The following ITGB1 variants were observed in gnomAD, a reference collection of about 807,000 sequenced individuals.
ITGB1 encodes integrin subunit beta 1.
Under a neutral mutation model 86.5 loss-of-function variants are expected in ITGB1, and 24 were observed. The ratio of observed to expected loss-of-function variants is 0.28; its 90% CI spans 0.20 to 0.39. The LOEUF is 0.39. Among genes scored for constraint, ITGB1 ranks in the 10% least tolerant of loss-of-function variants. The pLI, the probability that ITGB1 is intolerant of heterozygous loss-of-function variation, is 1.00. For missense variants in ITGB1, 556 were observed against 946.9 expected (o/e 0.59, Z 5.42); for synonymous variants, 323 against 316.8 (o/e 1.02, Z -0.21).
At chr10:32,954,622 T>C (rs1044649266) in intron 1 of ITGB1, among the ~76,000 whole-genome samples, 10 of 152,206 alleles carry the variant, frequency 6.6e-5, no homozygotes, top group African/African-American at 2.4e-4. Context: ...AGACCTAAAA[T>C]TTTCTCCCTA....
chr10:32,932,647 G>C (rs201728358), intron 2 of ITGB1, 47 bp from the exon 3 acceptor site: 1 of 1,072,722 alleles, frequency 9.3e-7, no homozygotes, highest in Non-Finnish European at 1.4e-6. Context: ...AAGTGTCAGA[G>C]AGAAAATAAT....
In ITGB1 at chr10:32,900,416, T is replaced by C. The variant is rs1458778449; in HGVS notation, c.*1154A>G. On this transcript the variant is annotated 3_prime_UTR_variant, in exon 16 of 16. Coordinates refer to ENST00000302278, the MANE Select transcript of ITGB1 (RefSeq NM_002211.4). ...ATCCGATTTAAGTATTTTAGGCATA[T>C]TTAATAAATAACTTCAGTAAATAGC... 1 of 152,476 alleles carries C rather than the reference T, an allele frequency of 6.6e-6. No individual in the cohort carries two copies. The highest frequency in any genetic ancestry group is 1.5e-5 in the Non-Finnish European group (1 of 67,974). The allele number at this position is 152,476 out of a possible 1,614,324, so 9.4% of individuals were successfully genotyped here.
At position 32,929,816 on chromosome 10, in the gene ITGB1, C is replaced by G. The variant is rs1454839612; in HGVS notation, c.376+6G>C. 1.9e-6 allele frequency: 3 copies of G among 1,543,234 alleles called. No homozygotes were observed. Among genetic ancestry groups the G allele is most frequent in the Non-Finnish European group, 2.7e-6 (3 of 1,115,514 alleles). On this transcript the variant is annotated splice_donor_region_variant and intron_variant, in intron 4 of 15. Coordinates refer to ENST00000302278, the MANE Select transcript of ITGB1 (RefSeq NM_002211.4). ...CGCAGGTATTCACAGAGTTGGGCTT[C>G]CATACCTGATCTTAATCGCAAAACC...
chr10:32,911,245 C>T (rs2094912294), intron 13 of ITGB1, among the ~76,000 whole-genome samples: 1 of 152,200 alleles, frequency 6.6e-6, no homozygotes, highest in Non-Finnish European at 1.5e-5. Flanking sequence ...TAGTACAACT[C>T]TCACATGACA....
intron 15 of ITGB1, among the ~76,000 whole-genome samples, chr10:32,903,968 C>A (rs2094889473): frequency 6.9e-6 from 1 of 144,466 alleles, no homozygotes; most frequent in East Asian, 2.0e-4. Flanking sequence ...TTTGCTAAAT[C>A]TAGTATTTAA....
Position 32,936,875 on chromosome 10 carries a change from C to T in ITGB1, c.1-1317G>A, listed in dbSNP as rs910562372. Among the ~76,000 whole-genome samples, 4 of 152,062 alleles carry T rather than the reference C, an allele frequency of 2.6e-5. No homozygotes were observed. The South Asian group carries it at 8.3e-4, about 32-fold the overall frequency. ...TATACAAAAAAAGTTTAGGTTTAAT[C>T]GTTATTGGAAAATGTAAATTAAAGC... On this transcript the variant is annotated intron_variant, in intron 1 of 15. Transcript: ENST00000302278.
At chr10:32,939,804 G>T (rs1356608142) in intron 1 of ITGB1, among the ~76,000 whole-genome samples, 1 of 152,084 alleles carries the variant, frequency 6.6e-6, no homozygotes, top group Non-Finnish European at 1.5e-5. Context: ...AACACACACT[G>T]AACAGGACAT....
At chr10:32,917,432 C>T (rs1565822338) in intron 11 of ITGB1, among the ~76,000 whole-genome samples, 1 of 152,186 alleles carries the variant, frequency 6.6e-6, no homozygotes, top group Non-Finnish European at 1.5e-5. Context: ...ACAATTTTTA[C>T]AATCTACCCA....
chr10:32,930,103 A>G, intron 3 of ITGB1, 59 bp from the exon 4 acceptor site: 1 of 775,304 alleles, frequency 1.3e-6, no homozygotes, highest in Non-Finnish European at 2.2e-6. Flanking sequence ...ACCTTTTTAC[A>G]TAATAATTGC....
chr10:32,939,512 C>T (rs1415153311), intron 1 of ITGB1, among the ~76,000 whole-genome samples: 2 of 152,224 alleles, frequency 1.3e-5, no homozygotes, highest in East Asian at 1.9e-4. Context: ...AGCCTATTGC[C>T]CCTAGGCTAC....
At position 32,920,160 on chromosome 10, in the gene ITGB1, C is replaced by T. The variant is rs796452248; in HGVS notation, c.1270-76G>A. Reference sequence around the variant, plus strand: ...AAAAAATATTTCAAAAAGTTGCTCACTTATTTTAATGTTTCTCAAACTATA... The same window carrying T: ...AAAAAATATTTCAAAAAGTTGCTCATTTATTTTAATGTTTCTCAAACTATA... On this transcript the variant is annotated intron_variant, in intron 10 of 15. Coordinates refer to ENST00000302278, the MANE Select transcript of ITGB1 (RefSeq NM_002211.4). 26 of 1,567,226 alleles carry T rather than the reference C, an allele frequency of 1.7e-5. No homozygotes were observed. In the African/African-American group the frequency reaches 3.3e-4, roughly 20 times the overall value.
chr10:32,913,811 G>C (rs925725887), intron 11 of ITGB1, among the ~76,000 whole-genome samples: 8 of 152,266 alleles, frequency 5.3e-5, no homozygotes, highest in South Asian at 2.1e-4. Context: ...AGGAAATACA[G>C]AGAAAGCCAC....
chr10:32,911,912 T>C lies in ITGB1; in HGVS notation c.1682A>G (p.Asp561Gly). The stretch of plus-strand genomic sequence containing the variant: ...TCCACAAATTAAGCCATTGGATCTA[T>C]CACAGTTGAAATTATCACACTCGCA... ...KFCECDNFNCDRSNGLICGGN... is the reference protein window; with the variant it reads ...KFCECDNFNCGRSNGLICGGN... Residue 561 changes from aspartate to glycine, a missense_variant, in exon 12 of 16, where the codon GAT (aspartate) becomes GGT (glycine). This residue lies in a region of ITGB1 where 330 missense variants were observed against 531.5 expected (regional missense o/e 0.62). Coordinates refer to ENST00000302278, the MANE Select transcript of ITGB1 (RefSeq NM_002211.4). 6.2e-7 allele frequency: 1 copy of C among 1,613,466 alleles called. No homozygotes were observed. Among genetic ancestry groups the C allele is most frequent in the Non-Finnish European group, 8.5e-7 (1 of 1,179,664 alleles).
At position 32,958,193 on chromosome 10, in the gene ITGB1, G is replaced by A. The variant is rs2095057015; in HGVS notation, c.-49C>T. ...CCGGCGCGGTGGGCTCGGGCCTGCT[G>A]TTCCGCGACTCCCGCTGGGCCTCTC... On this transcript the variant is annotated 5_prime_UTR_variant, in exon 1 of 16. Transcript: ENST00000302278. 5.9e-5 allele frequency: 9 copies of A among 151,488 alleles called. No individual in the cohort carries two copies. In the South Asian group the frequency reaches 1.7e-3, roughly 28 times the overall value. 9.4% of individuals were successfully genotyped at this position (151,488 alleles called of 1,614,324 possible). A position where few individuals can be genotyped will look rare whatever the true frequency, so the allele number is the denominator to read the frequency against.
At chr10:32,908,056 A>AT (rs2094902057) in intron 15 of ITGB1, among the ~76,000 whole-genome samples, 1 of 152,202 alleles carries the variant, frequency 6.6e-6, no homozygotes, top group South Asian at 2.1e-4. Flanking sequence ...TGCTACACAG[A>AT]TAACATTATT....
At chr10:32,901,784 TTAA>T (rs2094882644) in intron 15 of ITGB1, 149 bp from the exon 16 acceptor site, 4 of 586,908 alleles carry the variant, frequency 6.8e-6, no homozygotes, top group Non-Finnish European at 1.2e-5. Flanking sequence ...TTTAAAGGCA[TTAA>T]TAATGGTTTA....
At chr10:32,917,835 C>T (rs922904861) in intron 11 of ITGB1, among the ~76,000 whole-genome samples, 5 of 152,178 alleles carry the variant, frequency 3.3e-5, no homozygotes, top group Non-Finnish European at 5.9e-5. Context: ...CCAGCCATCC[C>T]ATTACTGGGT....
chr10:32,902,022 T>C (rs996307336), intron 15 of ITGB1, among the ~76,000 whole-genome samples: 2 of 152,168 alleles, frequency 1.3e-5, no homozygotes, highest in Non-Finnish European at 2.9e-5. Context: ...TCTTATCCCT[T>C]TATCGTGAAC....
chr10:32,914,953 A>G (rs2094926865), intron 11 of ITGB1, among the ~76,000 whole-genome samples: 1 of 152,270 alleles, frequency 6.6e-6, no homozygotes, highest in Admixed American at 6.5e-5. Flanking sequence ...AACAGAAATT[A>G]TAACAAACTG....
Sources: gnomAD v4.1 joint callset for allele counts (sites outside exome capture counted in the v4.1 genomes callset) on GRCh38, gnomAD v4.1.1 for gene constraint, gnomAD v4.1.1 regional missense constraint, MANE v1.5 for transcripts, NCBI Gene and HGNC (gene_info 2026-07-23, HGNC 2026-07-21) for gene names.